Variants in TNRC18 observed in about 807,000 individuals in gnomAD.
The protein encoded by TNRC18 is trinucleotide repeat-containing gene 18 protein.
TNRC18 carries 69 observed loss-of-function variants against 226.7 expected under a neutral mutation model. That is an observed-to-expected ratio of 0.30 (90% CI 0.25 to 0.37). The LOEUF is 0.37. Ranked by LOEUF, TNRC18 falls within the 10% of genes least tolerant of loss-of-function variation. The pLI, the probability that TNRC18 is intolerant of heterozygous loss-of-function variation, is 1.00. For synonymous variants in TNRC18, 2,449 were observed against 1,927.6 expected (o/e 1.27, Z -7.09); for missense variants, 4,754 against 4,256.6 (o/e 1.12, Z -3.25).
In TNRC18 at chr7:5,394,449, C is replaced by T. The variant is rs370369006; in HGVS notation, c.334G>A (p.Ala112Thr). Reference protein sequence around the residue: ...LPMVQLWAAHAHEGFSHLPSG... With the variant: ...LPMVQLWAAHTHEGFSHLPSG... ...CCGGCATGTTCCTTACCTTCATGGG[C>T]GTGGGCGGCCCACAGCTGCACCATG... Residue 112 changes from alanine to threonine, a missense_variant, in exon 3 of 30, where the codon GCC becomes ACC. By Grantham distance (58) the Ala-to-Thr change is moderately conservative (BLOSUM62 0). Transcript: ENST00000430969. This position sits in a 1 kb window ranked among gnomAD's most constrained non-coding sequence, Gnocchi z 4.5. The T allele has an allele frequency of 9.8e-5, 151 of 1,546,694 alleles. 2 individuals carry two copies. In the South Asian group the frequency reaches 9.9e-4, roughly 10 times the overall value.
intron 11 of TNRC18, among the ~76,000 whole-genome samples, chr7:5,366,881 G>A (rs1178605143): frequency 6.6e-6 from 1 of 152,150 alleles, no homozygotes; most frequent in Non-Finnish European, 1.5e-5. Context: ...ATCAGGCAAG[G>A]GACGCCCAAG....
At chr7:5,351,533 G>A (rs1791814749) in intron 17 of TNRC18, among the ~76,000 whole-genome samples, 1 of 152,138 alleles carries the variant, frequency 6.6e-6, no homozygotes, top group South Asian at 2.1e-4. Context: ...GAGGGCAAGT[G>A]GAGAGAAACG....
At position 5,307,531 on chromosome 7, in the gene TNRC18, C is replaced by A. The variant is rs1464796529; in HGVS notation, c.*575G>T. 4.5e-6 allele frequency: 2 copies of A among 448,904 alleles called. No homozygotes were observed. The highest frequency in any genetic ancestry group is 1.4e-4 in the East Asian group (2 of 13,938). The allele number at this position is 448,904 out of a possible 1,614,324, so 27.8% of individuals were successfully genotyped here. ...TTTGACAGACACTCCGGGCTGCAACCCCACCCGGCTCTGTTCCCCAAGTCT... is the reference window on the plus strand; with the variant it reads ...TTTGACAGACACTCCGGGCTGCAACACCACCCGGCTCTGTTCCCCAAGTCT... On this transcript the variant is annotated 3_prime_UTR_variant, in exon 30 of 30. Coordinates refer to ENST00000430969, the MANE Select transcript of TNRC18 (RefSeq NM_001080495.3).
At chr7:5,335,324 A>AAAAAC in intron 18 of TNRC18, among the ~76,000 whole-genome samples, 1 of 136,886 alleles carries the variant, frequency 7.3e-6, no homozygotes, top group East Asian at 2.2e-4. Context: ...AAAAAAAAAA[A>AAAAAC]TTTGGCCAGG....
rs1359551893 is a variant in TNRC18 at position 5,312,350 on chromosome 7, T to A, written c.8388+153A>T. On this transcript the variant is annotated intron_variant, in intron 27 of 29. Coordinates refer to ENST00000430969, the MANE Select transcript of TNRC18 (RefSeq NM_001080495.3). The surrounding 1 kb of genome is among the most constrained non-coding windows in gnomAD (Gnocchi z 6.3). ...CAGGTGCCTGAGGACACTCTGAGAC[T>A]CAGTGTACCCATCCATAAAGTGGGA... Among the ~76,000 whole-genome samples, 1 of 152,176 alleles carries A rather than the reference T, an allele frequency of 6.6e-6. No homozygotes were observed. Among genetic ancestry groups the A allele is most frequent in the Non-Finnish European group, 1.5e-5 (1 of 68,028 alleles).
At chr7:5,375,995 G>T in intron 9 of TNRC18, 39 bp downstream of exon 9, 1 of 1,548,180 alleles carries the variant, frequency 6.5e-7, no homozygotes, top group Non-Finnish European at 8.7e-7. Flanking sequence ...ACCCATGGGG[G>T]CCCCCAGAGG....
chr7:5,323,274 T>C (rs1329375982), intron 21 of TNRC18, among the ~76,000 whole-genome samples: 4 of 152,154 alleles, frequency 2.6e-5, no homozygotes, highest in South Asian at 2.1e-4. Context: ...GACTTCCCGA[T>C]TGAGTCATCA....
rs1439509789 is a variant in TNRC18, at chr7:5,313,714, G to A, written c.7177C>T (p.Pro2393Ser). The A allele has an allele frequency of 1.9e-6, 3 of 1,587,592 alleles. No homozygotes were observed. The highest frequency in any genetic ancestry group is 1.1e-5 in the South Asian group (1 of 87,350). ...GGTGGTGCGGGACTGGGCTGCGGCG[G>A]TGCCGGGCGCGCCTTGGGGGCCTTG... ...RAKAPKARPAPPQPSPAPPAF... is the reference protein window; with the variant it reads ...RAKAPKARPASPQPSPAPPAF... Residue 2393 changes from proline to serine, a missense_variant, in exon 27 of 30, where the codon CCG becomes TCG. Coordinates refer to ENST00000430969, the MANE Select transcript of TNRC18 (RefSeq NM_001080495.3).
rs1481067324 is a variant in TNRC18, at chr7:5,374,484, G to T, written c.2800C>A (p.Gln934Lys). The T allele has an allele frequency of 6.5e-7, 1 of 1,545,494 alleles. No individual in the cohort carries two copies. The highest frequency in any genetic ancestry group is 1.2e-5 in the South Asian group (1 of 83,978). Reference protein sequence around the residue: ...LELQRSAQLVQERLKAQEHRA... With the variant: ...LELQRSAQLVKERLKAQEHRA... ...TGCTCCTGCGCCTTCAACCGCTCCT[G>T]CTGGGAAGGGGCCGGCAGGCAGGGT... Residue 934 changes from glutamine to lysine, a missense_variant and splice_region_variant, in exon 10 of 30, where the codon CAG becomes AAG. Transcript: ENST00000430969.
intron 18 of TNRC18, 36 bp downstream of exon 18, chr7:5,345,522 TCCCA>T: frequency 1.8e-5 from 3 of 170,126 alleles, no homozygotes; most frequent in Non-Finnish European, 3.4e-5. Context: ...CGTCCGCCCC[TCCCA>T]CCCACCCCCA....
intron 15 of TNRC18, 110 bp downstream of exon 15, chr7:5,359,288 A>G (rs577470375): frequency 7.9e-6 from 9 of 1,135,710 alleles, no homozygotes; most frequent in Middle Eastern, 2.7e-4. Context: ...AACCACTTCT[A>G]AGGTTTCTGT....
intron 2 of TNRC18, among the ~76,000 whole-genome samples, chr7:5,403,419 C>A (rs543586799): frequency 6.6e-6 from 1 of 152,168 alleles, no homozygotes; most frequent in Non-Finnish European, 1.5e-5. Flanking sequence ...CTCGGTCTCC[C>A]AAAGTGTTGG....
At chr7:5,420,895 C>A (rs1196631821) in intron 2 of TNRC18, 165 bp downstream of exon 2, 2 of 893,370 alleles carry the variant, frequency 2.2e-6, no homozygotes, top group Non-Finnish European at 3.7e-6. Flanking sequence ...ACCGCCTTGG[C>A]TCCGGGACCA....
chr7:5,377,095 TG>T lies in TNRC18; in HGVS notation c.2462-103del. On this transcript the variant is annotated intron_variant, in intron 7 of 29. Coordinates refer to ENST00000430969, the MANE Select transcript of TNRC18 (RefSeq NM_001080495.3). The surrounding 1 kb of genome is among the most constrained non-coding windows in gnomAD (Gnocchi z 5.8). ...ACCACCTCCCAAGTCCTGAACCTCC[TG>T]GGGCCTCCAGTGGGGAAGCCAAGGG... is the stretch of plus-strand genomic sequence containing the variant. 1 of 1,473,964 alleles carries T rather than the reference TG, an allele frequency of 6.8e-7. No homozygotes were observed. Among genetic ancestry groups the T allele is most frequent in the Non-Finnish European group, 9.1e-7 (1 of 1,103,394 alleles). The allele number at this position is 1,473,964 out of a possible 1,614,324, so 91.3% of individuals were successfully genotyped here.
Position 5,313,567 on chromosome 7 carries a change from C to A in TNRC18, c.7324G>T (p.Ala2442Ser). 6.2e-7 allele frequency: 1 copy of A among 1,605,514 alleles called. No homozygotes were observed. The highest frequency in any genetic ancestry group is 8.5e-7 in the Non-Finnish European group (1 of 1,176,594). Residue 2442 changes from alanine (A) to serine (S), a missense_variant, in exon 27 of 30, where the codon GCA (alanine) becomes TCA (serine). Coordinates refer to ENST00000430969, the MANE Select transcript of TNRC18 (RefSeq NM_001080495.3). ...ATRPKPKKARAAEESGAKGPR... is the reference protein window; with the variant it reads ...ATRPKPKKARSAEESGAKGPR... ...CCCTTGGCACCCGACTCCTCGGCTG[C>A]CCGCGCCTTCTTGGGCTTGGGGCGT...
intron 5 of TNRC18, among the ~76,000 whole-genome samples, chr7:5,378,443 G>C (rs1411182630): frequency 6.7e-6 from 1 of 150,366 alleles, no homozygotes; most frequent in East Asian, 1.9e-4. Flanking sequence ...TTTTGAGATG[G>C]AGTCTCGCTC....
chr7:5,363,340 C>T (rs759975577), intron 11 of TNRC18, among the ~76,000 whole-genome samples: 69 of 151,996 alleles, frequency 4.5e-4, no homozygotes, highest in Non-Finnish European at 8.8e-4. Flanking sequence ...TGGTGGCTCA[C>T]GCCTGTAATC....
chr7:5,395,007 G>C (rs936448152), intron 2 of TNRC18, among the ~76,000 whole-genome samples: 7 of 152,326 alleles, frequency 4.6e-5, no homozygotes, highest in African/African-American at 1.2e-4. Context: ...GGCGGTGGGG[G>C]ACTTACAGGC....
At chr7:5,339,829 C>T (rs1336672673) in intron 18 of TNRC18, among the ~76,000 whole-genome samples, 1 of 151,870 alleles carries the variant, frequency 6.6e-6, no homozygotes, top group East Asian at 1.9e-4. Flanking sequence ...CTCGGCCTCC[C>T]AAAGTGCTGG....
Sources: allele counts gnomAD v4.1 joint callset (sites outside exome capture counted in the v4.1 genomes callset), GRCh38; gene constraint gnomAD v4.1.1; non-coding constraint Gnocchi (gnomAD v3.1); transcripts MANE v1.5; gene names NCBI Gene and HGNC (gene_info 2026-07-23, HGNC 2026-07-21).